The following ATP6V1A variants were observed in gnomAD, a reference collection of about 807,000 sequenced individuals.
ATP6V1A encodes the protein V-type proton ATPase catalytic subunit A.
A neutral mutation model predicts 70.1 loss-of-function variants in ATP6V1A; 18 were observed. The ratio of observed to expected loss-of-function variants is 0.26; its 90% CI spans 0.18 to 0.38. ATP6V1A has a LOEUF of 0.38. Among genes scored for constraint, ATP6V1A ranks in the 10% least tolerant of loss-of-function variants. ATP6V1A has a pLI of 1.00. For synonymous variants in ATP6V1A, 232 were observed against 253.8 expected, an observed-to-expected ratio of 0.91 and a Z score of 0.82; for missense variants, 424 against 772.4, an observed-to-expected ratio of 0.55 and a Z score of 5.35.
intron 1 of ATP6V1A, among the ~76,000 whole-genome samples, chr3:113,755,909 T>C (rs939999504): frequency 6.6e-6 from 1 of 152,238 alleles, no homozygotes; most frequent in African/African-American, 2.4e-5. Flanking sequence ...CTTTTCACAT[T>C]GATACAGTTA....
intron 1 of ATP6V1A, among the ~76,000 whole-genome samples, chr3:113,753,200 A>C (rs976098013): frequency 1.3e-5 from 2 of 152,222 alleles, no homozygotes; most frequent in Non-Finnish European, 2.9e-5. Flanking sequence ...ACATTCAACA[A>C]ACAGTAAAGG....
rs35128741 is a variant in ATP6V1A, at chr3:113,782,524, TTCTC to T, written c.211+1362_211+1365del. Among the ~76,000 whole-genome samples the T allele has an allele frequency of 1.2e-3, 173 of 140,248 alleles. 1 individual carries two copies. The highest frequency in any genetic ancestry group is 6.1e-3 in the East Asian group (30 of 4,902). The allele number at this position is 140,248 out of a possible 152,430, so 92.0% of individuals were successfully genotyped here. A position where few individuals can be genotyped will look rare whatever the true frequency, so the allele number is the denominator to read the frequency against. On this transcript the variant is annotated intron_variant, in intron 3 of 14. Transcript: ENST00000273398. ...ACAAATATTTGTATTTTTCTTTCCT[TTCTC>T]TCTCTCTCTCTCTCTATATATATAT...
Position 113,795,118 on chromosome 3 carries a change from C to T in ATP6V1A, c.1140C>T (p.Ala380=). 1.2e-6 allele frequency: 2 copies of T among 1,614,036 alleles called. No individual in the cohort carries two copies. ...GTGGATATCCAGCCTATCTTGGTGC[C>T]CGTCTGGCCTCGTTTTATGAACGAG... The part of the protein sequence containing the change: ...ADSGYPAYLG[A]RLASFYERAG... The change falls in exon 10 of 15, where the codon GCC becomes GCT. Residue 380 remains alanine, a synonymous_variant. Coordinates refer to ENST00000273398, the MANE Select transcript of ATP6V1A (RefSeq NM_001690.4).
At chr3:113,785,441 A>G (rs2108030513) in intron 5 of ATP6V1A, among the ~76,000 whole-genome samples, 1 of 152,060 alleles carries the variant, frequency 6.6e-6, no homozygotes, top group Admixed American at 6.5e-5. Flanking sequence ...CTCCATCTCA[A>G]AAAAATAAAA....
intron 12 of ATP6V1A, among the ~76,000 whole-genome samples, chr3:113,798,707 T>C (rs938233349): frequency 6.6e-6 from 1 of 152,184 alleles, no homozygotes; most frequent in East Asian, 1.9e-4. Flanking sequence ...AGATTTAGGA[T>C]TTGTTAGCAT....
intron 1 of ATP6V1A, among the ~76,000 whole-genome samples, chr3:113,777,120 A>C (rs1708923037): frequency 6.6e-6 from 1 of 152,224 alleles, no homozygotes; most frequent in African/African-American, 2.4e-5. Context: ...AATAGTTATT[A>C]AGGTAGATCA....
At chr3:113,777,434 CT>C (rs1708927417) in intron 1 of ATP6V1A, among the ~76,000 whole-genome samples, 1 of 152,074 alleles carries the variant, frequency 6.6e-6, no homozygotes, top group Non-Finnish European at 1.5e-5. Context: ...ACAGAGAAGC[CT>C]CATGGAGAAG....
At chr3:113,774,744 T>C (rs1341555525) in intron 1 of ATP6V1A, among the ~76,000 whole-genome samples, 1 of 150,584 alleles carries the variant, frequency 6.6e-6, no homozygotes, top group East Asian at 2.0e-4. Context: ...ACCTCAGAGG[T>C]GGAGGTTGCA....
rs192488062 is a variant in ATP6V1A at position 113,782,241 on chromosome 3, T to C, written c.211+1063T>C. 2.3e-3 allele frequency among the ~76,000 whole-genome samples: 350 copies of C among 152,270 alleles called. 2 individuals carry two copies. Among genetic ancestry groups the C allele is most frequent in the African/African-American group, 8.0e-3 (331 of 41,582 alleles). ...AAATTTTAAATAAAAATAGAAGTTTTTGTAGCTATGAAATTGTGACTAATC... is the reference window on the plus strand; with the variant it reads ...AAATTTTAAATAAAAATAGAAGTTTCTGTAGCTATGAAATTGTGACTAATC... On this transcript the variant is annotated intron_variant, in intron 3 of 14. Coordinates refer to ENST00000273398, the MANE Select transcript of ATP6V1A (RefSeq NM_001690.4).
At chr3:113,760,843 C>A (rs1708695363) in intron 1 of ATP6V1A, among the ~76,000 whole-genome samples, 1 of 151,884 alleles carries the variant, frequency 6.6e-6, no homozygotes, top group Admixed American at 6.6e-5. Flanking sequence ...CCAAGGCAGG[C>A]AGATCACAAG....
intron 11 of ATP6V1A, among the ~76,000 whole-genome samples, chr3:113,797,841 A>G (rs1036696586): frequency 5.9e-5 from 9 of 152,176 alleles, no homozygotes; most frequent in African/African-American, 2.2e-4. Context: ...AGTGAATTGT[A>G]GAATTGCATA....
rs1709335364 is a variant in ATP6V1A at position 113,810,933 on chromosome 3, T to C, written c.*1506T>C. ...AGCAGCATACCAGTTTCCATCCTAA[T>C]AGGAATGAAATTAATTTTGTATCTA... On this transcript the variant is annotated 3_prime_UTR_variant, in exon 15 of 15. Coordinates refer to ENST00000273398, the MANE Select transcript of ATP6V1A (RefSeq NM_001690.4). 1 of 152,196 alleles carries C rather than the reference T, an allele frequency of 6.6e-6. No individual in the cohort carries two copies. Among genetic ancestry groups the C allele is most frequent in the Non-Finnish European group, 1.5e-5 (1 of 68,034 alleles). The allele number at this position is 152,196 out of a possible 1,614,324, so 9.4% of individuals were successfully genotyped here.
chr3:113,788,940 A>G, intron 7 of ATP6V1A, 65 bp downstream of exon 7: 2 of 1,459,072 alleles, frequency 1.4e-6, no homozygotes, highest in Non-Finnish European at 1.9e-6. Flanking sequence ...ATTGACAATT[A>G]ATAAAGCTTT....
chr3:113,803,699 T>C (rs1195205746), intron 13 of ATP6V1A, 22 bp downstream of exon 13: 2 of 1,544,830 alleles, frequency 1.3e-6, no homozygotes, highest in Non-Finnish European at 1.8e-6. Context: ...TGATTTCCTT[T>C]TTTTATTTGA....
intron 3 of ATP6V1A, among the ~76,000 whole-genome samples, chr3:113,783,915 C>A (rs1174142601): frequency 2.6e-5 from 4 of 152,082 alleles, no homozygotes; most frequent in Non-Finnish European, 5.9e-5. Flanking sequence ...ATATTTAGGA[C>A]TGAAATTAAT....
intron 1 of ATP6V1A, among the ~76,000 whole-genome samples, chr3:113,778,175 C>CTTGA (rs963970185): frequency 5.3e-5 from 8 of 152,074 alleles, no homozygotes; most frequent in Admixed American, 3.9e-4. Context: ...GGGTGGATCA[C>CTTGA]TTGAGGTCAG....
chr3:113,789,489 ATAG>A lies in ATP6V1A; in HGVS notation c.880-237_880-235del, dbSNP rs879317937. ...TGTGTGATTTATGATCTAGATTATT[ATAG>A]TAGTATTTCTTTTTTCATAAAATAT... On this transcript the variant is annotated intron_variant, in intron 7 of 14. Transcript: ENST00000273398. 6.6e-4 allele frequency among the ~76,000 whole-genome samples: 100 copies of A among 152,284 alleles called. 1 individual carries two copies. Among genetic ancestry groups the A allele is most frequent in the African/African-American group, 2.3e-3 (95 of 41,578 alleles).
chr3:113,770,459 CCT>C (rs1708823749), intron 1 of ATP6V1A, among the ~76,000 whole-genome samples: 1 of 152,082 alleles, frequency 6.6e-6, no homozygotes, highest in Non-Finnish European at 1.5e-5. Flanking sequence ...GGGTGGATCT[CCT>C]GAGGTCAGCA....
intron 12 of ATP6V1A, 78 bp from the exon 13 acceptor site, chr3:113,803,505 T>A: frequency 9.4e-7 from 1 of 1,061,794 alleles, no homozygotes. Flanking sequence ...TATATAATAG[T>A]TTCTGCTTGT....
Sources: allele counts gnomAD v4.1 joint callset (sites outside exome capture counted in the v4.1 genomes callset), GRCh38; gene constraint gnomAD v4.1.1; transcripts MANE v1.5; gene names NCBI Gene and HGNC (gene_info 2026-07-23, HGNC 2026-07-21).